POLK: variants seen among roughly 807,000 people sequenced by gnomAD.
POLK encodes the protein DNA polymerase kappa.
POLK carries 76 observed loss-of-function variants against 94.0 expected under a neutral mutation model. The observed-to-expected ratio is 0.81, with a 90% CI of 0.67 to 0.98. POLK has a LOEUF of 0.98. POLK is among the 50% of genes least tolerant of loss of function. POLK has a pLI of 0.00. For synonymous variants in POLK, 349 were observed against 325.4 expected, an observed-to-expected ratio of 1.07 and a Z score of -0.78; for missense variants, 954 against 1,010.1, an observed-to-expected ratio of 0.94 and a Z score of 0.75.
intron 3 of POLK, among the ~76,000 whole-genome samples, chr5:75,553,507 T>C (rs1227263829): frequency 1.3e-5 from 2 of 152,216 alleles, no homozygotes. Context: ...CACAAGATAA[T>C]TTTTAAGTGG....
chr5:75,564,662 T>A (rs1771167647), intron 3 of POLK, among the ~76,000 whole-genome samples: 1 of 152,232 alleles, frequency 6.6e-6, no homozygotes, highest in South Asian at 2.1e-4. Context: ...TTAATTTAGC[T>A]GGATATGAAA....
chr5:75,555,337 A>G, intron 3 of POLK, among the ~76,000 whole-genome samples: 1 of 148,614 alleles, frequency 6.7e-6, no homozygotes, highest in African/African-American at 2.5e-5. Context: ...CCTGGCAATC[A>G]CTGACCTTTT....
rs5744565 is a variant in POLK, at chr5:75,534,450, G to C, written c.-13-12560G>C. Among the ~76,000 whole-genome samples, 161 of 152,052 alleles carry C rather than the reference G, an allele frequency of 1.1e-3. No homozygotes were observed. The South Asian group carries it at 0.033, about 31-fold the overall frequency. ...TGGTTCTTTCATATAATGGCATTTGGTCTATTACCTCCTGTACTGTTTTAT... is the reference window on the plus strand; with the variant it reads ...TGGTTCTTTCATATAATGGCATTTGCTCTATTACCTCCTGTACTGTTTTAT... On this transcript the variant is annotated intron_variant, in intron 1 of 14. Transcript: ENST00000241436.
intron 9 of POLK, among the ~76,000 whole-genome samples, chr5:75,586,322 T>G (rs1394625243): frequency 6.6e-6 from 1 of 152,192 alleles, no homozygotes; most frequent in Non-Finnish European, 1.5e-5. Flanking sequence ...ATATTTGTTA[T>G]CTGTCTTTCT....
At chr5:75,572,438 C>T (rs1005027793) in intron 4 of POLK, among the ~76,000 whole-genome samples, 2 of 151,896 alleles carry the variant, frequency 1.3e-5, no homozygotes, top group Non-Finnish European at 2.9e-5. Context: ...AGACCAAATT[C>T]GAAAAGTTTA....
chr5:75,556,811 C>T (rs1299581948), intron 3 of POLK, among the ~76,000 whole-genome samples: 3 of 151,970 alleles, frequency 2.0e-5, no homozygotes, highest in African/African-American at 7.3e-5. Context: ...CCTGTAATCC[C>T]AGCACTTTGG....
At chr5:75,564,945 A>C (rs1581033249) in intron 3 of POLK, among the ~76,000 whole-genome samples, 1 of 152,102 alleles carries the variant, frequency 6.6e-6, no homozygotes, top group African/African-American at 2.4e-5. Context: ...AGGTTGGGGA[A>C]GTTCTCCTGG....
chr5:75,598,544 G>A (rs1363444792), exon 15 of POLK: 1 of 152,410 alleles, frequency 6.6e-6, no homozygotes, highest in East Asian at 1.9e-4. Context: ...TGTTAAAATG[G>A]TTTTTGCCTA....
intron 1 of POLK, chr5:75,512,955 C>T (rs552077609): frequency 6.6e-6 from 1 of 152,350 alleles, no homozygotes; most frequent in East Asian, 1.9e-4. Flanking sequence ...AGGTAAAACC[C>T]CGTCTCTACT....
At chr5:75,572,863 A>G (rs1322915469) in intron 4 of POLK, among the ~76,000 whole-genome samples, 2 of 152,184 alleles carry the variant, frequency 1.3e-5, no homozygotes, top group African/African-American at 4.8e-5. Context: ...TCAGGAAACA[A>G]CAGGTGCTGG....
At chr5:75,584,584 C>G (rs1772364584) in intron 8 of POLK, among the ~76,000 whole-genome samples, 176 bp from the exon 9 acceptor site, 1 of 151,752 alleles carries the variant, frequency 6.6e-6, no homozygotes, top group Admixed American at 6.6e-5. Flanking sequence ...AGGAGAATCG[C>G]TTGAACAACC....
chr5:75,581,188 AT>A lies in POLK; in HGVS notation c.695-17del. 4.5e-6 allele frequency: 7 copies of A among 1,543,636 alleles called. No homozygotes were observed. The highest frequency in any genetic ancestry group is 6.3e-6 in the Non-Finnish European group (7 of 1,119,916). ...ATACTTCTTAAAATAAAGGTGAGTT[AT>A]TTTCCTGTTTATGACTTAGATAATC... On this transcript the variant is annotated intron_variant, in intron 6 of 14. Transcript: ENST00000241436.
At chr5:75,524,577 A>G (rs772219372) in intron 1 of POLK, among the ~76,000 whole-genome samples, 39 of 152,094 alleles carry the variant, frequency 2.6e-4, no homozygotes, top group Non-Finnish European at 4.3e-4. Flanking sequence ...TACTTCCAGT[A>G]TGGAGAAGTA....
At chr5:75,557,145 T>C (rs551974808) in intron 3 of POLK, among the ~76,000 whole-genome samples, 1 of 152,366 alleles carries the variant, frequency 6.6e-6, no homozygotes, top group Non-Finnish European at 1.5e-5. Context: ...TCTGTATTTA[T>C]GTGAGTCTAT....
At chr5:75,584,506 T>C (rs1305417767) in intron 8 of POLK, among the ~76,000 whole-genome samples, 1 of 151,944 alleles carries the variant, frequency 6.6e-6, no homozygotes, top group African/African-American at 2.4e-5. Context: ...CCATCTCTAC[T>C]AAAAATACAA....
chr5:75,510,991 C>T (rs2112492035), upstream of POLK: 1 of 1,315,816 alleles, frequency 7.6e-7, no homozygotes, highest in Non-Finnish European at 1.0e-6. Flanking sequence ...GCTGCAGCAA[C>T]ACTCAGCCTC....
chr5:75,566,413 GA>G (rs1054895741), intron 3 of POLK, among the ~76,000 whole-genome samples: 2 of 151,968 alleles, frequency 1.3e-5, no homozygotes, highest in African/African-American at 2.4e-5. Flanking sequence ...ACTGGGGTAT[GA>G]AAAAAAACTC....
At chr5:75,584,611 TG>T in intron 8 of POLK, 148 bp from the exon 9 acceptor site, 1 of 533,452 alleles carries the variant, frequency 1.9e-6, no homozygotes, top group Non-Finnish European at 3.3e-6. Context: ...GTGGAGGTTG[TG>T]GGGAGCCAAC....
chr5:75,510,836 C>T (rs537753504), upstream of POLK, among the ~76,000 whole-genome samples: 1 of 152,290 alleles, frequency 6.6e-6, no homozygotes, highest in South Asian at 2.1e-4. Context: ...GGACAGCTGC[C>T]GCCCTAAGTC....
Sources: allele counts gnomAD v4.1 joint callset (sites outside exome capture counted in the v4.1 genomes callset), GRCh38; gene constraint gnomAD v4.1.1; transcripts MANE v1.5; gene names NCBI Gene and HGNC (gene_info 2026-07-23, HGNC 2026-07-21).